CADM1: variants seen among roughly 807,000 people sequenced by gnomAD.
CADM1 encodes cell adhesion molecule 1.
CADM1 carries 15 observed loss-of-function variants against 53.1 expected under a neutral mutation model. The observed-to-expected ratio is 0.28, with a 90% CI of 0.19 to 0.44. CADM1 has a LOEUF of 0.44. Ranked by LOEUF, CADM1 falls within the 20% of genes least tolerant of loss-of-function variation. The probability of loss-of-function intolerance (pLI) is 1.00; values close to 1 mark genes in which losing one functional copy is unlikely to be tolerated. For synonymous variants in CADM1, 281 were observed against 243.0 expected (o/e 1.16, Z -1.45); for missense variants, 434 against 611.3 (o/e 0.71, Z 3.06).
intron 9 of CADM1, among the ~76,000 whole-genome samples, chr11:115,196,356 A>T (rs1940144153): frequency 6.6e-6 from 1 of 152,094 alleles, no homozygotes; most frequent in Admixed American, 6.5e-5. Flanking sequence ...CAACTCTGAG[A>T]CCTACATCCA....
intron 1 of CADM1, among the ~76,000 whole-genome samples, chr11:115,488,495 A>C (rs762620845): frequency 6.6e-6 from 1 of 152,214 alleles, no homozygotes; most frequent in Non-Finnish European, 1.5e-5. Flanking sequence ...TCACAGATAC[A>C]TCAGTGTTAC....
intron 1 of CADM1, among the ~76,000 whole-genome samples, chr11:115,438,517 G>A (rs1014659836): frequency 1.3e-5 from 2 of 149,056 alleles, no homozygotes; most frequent in African/African-American, 4.9e-5. Context: ...CAGAGCTTTG[G>A]GAAATGTAAA....
intron 2 of CADM1, among the ~76,000 whole-genome samples, chr11:115,239,154 GTTTCAAA>G (rs1280199879): frequency 6.6e-6 from 1 of 151,920 alleles, no homozygotes; most frequent in Non-Finnish European, 1.5e-5. Context: ...AAAAACAAGG[GTTTCAAA>G]TTATGAAACA....
chr11:115,316,419 G>A (rs1185160076), intron 1 of CADM1, among the ~76,000 whole-genome samples: 3 of 152,044 alleles, frequency 2.0e-5, no homozygotes, highest in African/African-American at 7.2e-5. Flanking sequence ...TTCCACAATG[G>A]CCAAAGAATA....
At chr11:115,212,582 A>G (rs142903661) in intron 7 of CADM1, among the ~76,000 whole-genome samples, 4 of 152,276 alleles carry the variant, frequency 2.6e-5, no homozygotes, top group African/African-American at 9.6e-5. Context: ...GTTTTCAGAT[A>G]ATGCACTCTG....
intron 7 of CADM1, among the ~76,000 whole-genome samples, chr11:115,211,029 A>G (rs1471830338): frequency 7.6e-6 from 1 of 131,478 alleles, no homozygotes; most frequent in Non-Finnish European, 1.8e-5. Flanking sequence ...GAGTCCAAAA[A>G]AGGATGTCGT....
intron 1 of CADM1, among the ~76,000 whole-genome samples, chr11:115,488,914 C>T (rs969401239): frequency 6.6e-6 from 1 of 152,198 alleles, no homozygotes; most frequent in Non-Finnish European, 1.5e-5. Flanking sequence ...CCAGATACAT[C>T]TTTATTACTG....
chr11:115,304,583 TTAAA>T (rs1472203219), intron 1 of CADM1, among the ~76,000 whole-genome samples: 7 of 152,000 alleles, frequency 4.6e-5, no homozygotes, highest in African/African-American at 9.7e-5. Flanking sequence ...CAAAGAAAAC[TTAAA>T]TAGAGATATT....
chr11:115,206,755 C>CTTTTTTTTTTTTTT (rs1194703150), intron 8 of CADM1, among the ~76,000 whole-genome samples: 1 of 5,442 alleles, frequency 1.8e-4, no homozygotes, highest in African/African-American at 3.7e-4. Context: ...TGACTGTGGA[C>CTTTTTTTTTTTTTT]TTCTTTTTTT....
intron 1 of CADM1, among the ~76,000 whole-genome samples, chr11:115,442,585 C>T (rs1405183393): frequency 6.6e-6 from 1 of 152,154 alleles, no homozygotes; most frequent in Non-Finnish European, 1.5e-5. Context: ...GACAGATCGG[C>T]AATTACGTGT....
At chr11:115,219,369 T>C (rs1465496516) in intron 5 of CADM1, among the ~76,000 whole-genome samples, 2 of 152,176 alleles carry the variant, frequency 1.3e-5, no homozygotes, top group South Asian at 2.1e-4. Flanking sequence ...CACAAATCTT[T>C]CTCTCATGTC....
chr11:115,440,050 C>T (rs968858752), intron 1 of CADM1, among the ~76,000 whole-genome samples: 11 of 152,158 alleles, frequency 7.2e-5, no homozygotes, highest in African/African-American at 2.2e-4. Flanking sequence ...ATATTCTACC[C>T]GTTTATACTC....
intron 1 of CADM1, among the ~76,000 whole-genome samples, chr11:115,404,655 C>T (rs1320130956): frequency 6.7e-6 from 1 of 148,376 alleles, no homozygotes. Context: ...GCATATAACC[C>T]GCAAGGATTA....
intron 1 of CADM1, among the ~76,000 whole-genome samples, chr11:115,359,704 C>T (rs17521934): frequency 0.096 from 14,533 of 152,078 alleles, 866 homozygotes; most frequent in Middle Eastern, 0.15. Context: ...TCAGATAAAA[C>T]GCTCCTGACT....
intron 1 of CADM1, among the ~76,000 whole-genome samples, chr11:115,261,072 A>G (rs1232653812): frequency 6.6e-6 from 1 of 152,098 alleles, no homozygotes; most frequent in Non-Finnish European, 1.5e-5. Context: ...GTGCTTCTCA[A>G]TGCCTGAGAC....
At chr11:115,397,762 C>G (rs1424640936) in intron 1 of CADM1, 1 of 220 alleles carries the variant, frequency 4.5e-3, no homozygotes, top group South Asian at 0.083. Flanking sequence ...AGTTGGAACT[C>G]TTAACAGGCA....
intron 1 of CADM1, among the ~76,000 whole-genome samples, chr11:115,305,287 G>T (rs530921479): frequency 6.6e-6 from 1 of 151,968 alleles, no homozygotes. Context: ...GCCTACGGGC[G>T]CCTTCCAGCT....
intron 1 of CADM1, among the ~76,000 whole-genome samples, chr11:115,362,610 G>T (rs1946056934): frequency 6.6e-6 from 1 of 151,962 alleles, no homozygotes; most frequent in Non-Finnish European, 1.5e-5. Flanking sequence ...TATTAGAGAG[G>T]TTTTTTTTAG....
intron 1 of CADM1, among the ~76,000 whole-genome samples, chr11:115,333,370 G>C (rs1945181496): frequency 6.6e-6 from 1 of 152,148 alleles, no homozygotes; most frequent in African/African-American, 2.4e-5. Context: ...GAAAGAGAGA[G>C]AATGCCCAAC....
Sources: gnomAD v4.1 joint callset for allele counts (sites outside exome capture counted in the v4.1 genomes callset) on GRCh38, gnomAD v4.1.1 for gene constraint, MANE v1.5 for transcripts, NCBI Gene and HGNC (gene_info 2026-07-23, HGNC 2026-07-21) for gene names.